Variants in DNAJA4 observed in about 807,000 individuals in gnomAD.
DNAJA4 encodes the protein DnaJ heat shock protein family (Hsp40) member A4.
Under a neutral mutation model 39.7 loss-of-function variants are expected in DNAJA4, and 32 were observed. The ratio of observed to expected loss-of-function variants is 0.81; its 90% CI spans 0.61 to 1.08. DNAJA4 has a LOEUF of 1.08. Among genes scored for constraint, DNAJA4 ranks in the 50% least tolerant of loss-of-function variants. The probability of loss-of-function intolerance (pLI) is 0.00; values close to 1 mark genes in which losing one functional copy is unlikely to be tolerated. For missense variants in DNAJA4, 439 were observed against 505.1 expected, an observed-to-expected ratio of 0.87 and a Z score of 1.25; for synonymous variants, 184 against 182.4, an observed-to-expected ratio of 1.01 and a Z score of -0.07.
intron 3 of DNAJA4, 72 bp from the exon 4 acceptor site, chr15:78,274,125 G>T: frequency 4.1e-6 from 6 of 1,468,358 alleles, no homozygotes; most frequent in Non-Finnish European, 5.6e-6. Flanking sequence ...CTACCCTTCT[G>T]CCATGGCGCC....
chr15:78,271,329 G>A (rs1009209820), intron 2 of DNAJA4, among the ~76,000 whole-genome samples: 2 of 152,144 alleles, frequency 1.3e-5, no homozygotes, highest in Admixed American at 6.5e-5. Flanking sequence ...GCCTGTGGTT[G>A]TCAGTGATCC....
chr15:78,271,622 A>T (rs1158109996), intron 2 of DNAJA4, among the ~76,000 whole-genome samples: 2 of 152,132 alleles, frequency 1.3e-5, no homozygotes, highest in Non-Finnish European at 2.9e-5. Flanking sequence ...CTTAGCCCTT[A>T]GCTCAATGGC....
rs748872790 is a variant in DNAJA4, at chr15:78,280,085, T to A, written c.918T>A (p.Asp306Glu). 4 of 1,614,112 alleles carry A rather than the reference T, an allele frequency of 2.5e-6. No homozygotes were observed. In the African/African-American group the frequency reaches 5.3e-5, roughly 22 times the overall value. Residue 306 changes from aspartate to glutamate, a missense_variant, in exon 6 of 7, where the codon GAT (aspartate) becomes GAA (glutamate). Physicochemically the swap from Asp to Glu is conservative, Grantham distance 45. Transcript: ENST00000394852. ...ACGGGGACCTGAGATGCGTGCGCGATGAAGGAATGCCCATCTACAAAGCAC... is the reference window on the plus strand; with the variant it reads ...ACGGGGACCTGAGATGCGTGCGCGAAGAAGGAATGCCCATCTACAAAGCAC... The part of the protein sequence containing the change: ...IKHGDLRCVR[D>E]EGMPIYKAPL...
At position 78,278,412 on chromosome 15, in the gene DNAJA4, T is replaced by G. The variant is rs1472630304; in HGVS notation, c.878-1633T>G. 9.7e-6 allele frequency: 4 copies of G among 412,210 alleles called. No individual in the cohort carries two copies. The Admixed American group carries it at 1.0e-4, about 10-fold the overall frequency. 25.5% of individuals were successfully genotyped at this position (412,210 alleles called of 1,614,324 possible). On this transcript the variant is annotated intron_variant, in intron 5 of 6. Transcript: ENST00000394852. ...TCGTTGTGGTGTGAACACCATAGAATGTACTCACACAGACCTAGATAGCAT... is the reference window on the plus strand; with the variant it reads ...TCGTTGTGGTGTGAACACCATAGAAGGTACTCACACAGACCTAGATAGCAT...
At chr15:78,270,746 G>A in intron 2 of DNAJA4, 69 bp downstream of exon 2, 1 of 1,527,292 alleles carries the variant, frequency 6.5e-7, no homozygotes, top group Non-Finnish European at 8.9e-7. Flanking sequence ...TTGGAATCAG[G>A]ATAGATCATG....
chr15:78,268,426 T>C (rs1024101713), intron 1 of DNAJA4, among the ~76,000 whole-genome samples: 2 of 152,236 alleles, frequency 1.3e-5, no homozygotes, highest in African/African-American at 4.8e-5. Flanking sequence ...TTAAGACTTT[T>C]CTAAATTGTA....
rs375935697 is a variant in DNAJA4 at position 78,269,010 on chromosome 15, G to A, written c.133-1487G>A. 2.4e-4 allele frequency among the ~76,000 whole-genome samples: 37 copies of A among 152,336 alleles called. 1 individual carries two copies. The East Asian group carries it at 4.8e-3, about 20-fold the overall frequency. On this transcript the variant is annotated intron_variant, in intron 1 of 6. Coordinates refer to ENST00000394852, the MANE Select transcript of DNAJA4 (RefSeq NM_001130182.2). ...AAGGCTGGAAAGAGATGAGTCGGGAGGCCGCACCAGGCTGAGGTGCCTCTG... is the reference window on the plus strand; with the variant it reads ...AAGGCTGGAAAGAGATGAGTCGGGAAGCCGCACCAGGCTGAGGTGCCTCTG...
In DNAJA4 at chr15:78,274,282, G is replaced by A. The variant is rs771724336; in HGVS notation, c.504G>A (p.Pro168=). ...GMQIHIQQIG[P]GMVQQIQTVC... ...AGATCCACATCCAGCAGATCGGGCC[G>A]GGCATGGTACAGCAGATCCAGACCG... The change falls in exon 4 of 7, where the codon CCG becomes CCA. Residue 168 remains proline, a synonymous_variant. Coordinates refer to ENST00000394852, the MANE Select transcript of DNAJA4 (RefSeq NM_001130182.2). 1.1e-5 allele frequency: 18 copies of A among 1,614,030 alleles called. No homozygotes were observed. The highest frequency in any genetic ancestry group is 6.7e-5 in the African/African-American group (5 of 74,906).
chr15:78,270,703 T>C, intron 2 of DNAJA4, 26 bp downstream of exon 2: 1 of 1,606,082 alleles, frequency 6.2e-7, no homozygotes, highest in African/African-American at 1.3e-5. Context: ...GAAACATAAA[T>C]AAGTTGTATG....
At chr15:78,280,018 C>T (rs2049607091) in intron 5 of DNAJA4, 27 bp from the exon 6 acceptor site, 1 of 1,574,394 alleles carries the variant, frequency 6.4e-7, no homozygotes. Context: ...TGCCTTCCTC[C>T]TTCCTAATTG....
chr15:78,277,483 C>T (rs1028333106), intron 5 of DNAJA4, among the ~76,000 whole-genome samples: 1 of 152,160 alleles, frequency 6.6e-6, no homozygotes, highest in Non-Finnish European at 1.5e-5. Flanking sequence ...TTCCATAGAC[C>T]TCCCAAGGCA....
At chr15:78,271,332 A>G (rs567707463) in intron 2 of DNAJA4, among the ~76,000 whole-genome samples, 1 of 152,268 alleles carries the variant, frequency 6.6e-6, no homozygotes, top group East Asian at 1.9e-4. Flanking sequence ...TGTGGTTGTC[A>G]GTGATCCTTT....
intron 4 of DNAJA4, chr15:78,274,686 G>C (rs760620542): frequency 8.1e-6 from 4 of 491,696 alleles, no homozygotes; most frequent in Non-Finnish European, 1.5e-5. Context: ...CTAACGCTCT[G>C]AAAGTCTTAC....
intron 1 of DNAJA4, chr15:78,266,359 TA>T (rs2049123467): frequency 2.0e-6 from 3 of 1,472,614 alleles, no homozygotes; most frequent in Middle Eastern, 1.7e-4. Context: ...CTTTTATTTT[TA>T]AAAAATTAGA....
chr15:78,273,105 T>G lies in DNAJA4; in HGVS notation c.324T>G (p.Val108=). The change falls in exon 3 of 7, where the codon GTT becomes GTG. Residue 108 remains valine (V), a synonymous_variant. Coordinates refer to ENST00000394852, the MANE Select transcript of DNAJA4 (RefSeq NM_001130182.2). ...RMARERRGKN[V]VHQLSVTLED... ...TTCTCCCTTGCTAAGGCAAGAATGT[T>G]GTACACCAGTTATCTGTAACTCTTG... The G allele has an allele frequency of 1.3e-6, 2 of 1,593,176 alleles. No individual in the cohort carries two copies. The highest frequency in any genetic ancestry group is 8.6e-7 in the Non-Finnish European group (1 of 1,162,836).
At chr15:78,267,482 TG>T (rs1404196679) in intron 1 of DNAJA4, among the ~76,000 whole-genome samples, 1 of 152,060 alleles carries the variant, frequency 6.6e-6, no homozygotes, top group Non-Finnish European at 1.5e-5. Context: ...TTTTGTTTTT[TG>T]TTTTTTTTGC....
chr15:78,272,106 G>T (rs2049315508), intron 2 of DNAJA4, among the ~76,000 whole-genome samples: 2 of 152,140 alleles, frequency 1.3e-5, no homozygotes, highest in South Asian at 4.1e-4. Flanking sequence ...GGAGGCCGAG[G>T]TGGGTGGATC....
At chr15:78,264,390 C>T (rs1399155305), upstream of DNAJA4, 5 of 1,419,882 alleles carry the variant, frequency 3.5e-6, no homozygotes, top group South Asian at 2.8e-5. Flanking sequence ...CCCGAGAAGC[C>T]CAGGTGAGCG....
rs766565720 is a variant in DNAJA4 at position 78,265,578 on chromosome 15, T to G, written c.132+683T>G. Reference sequence around the variant, plus strand: ...TTGATCATAAGTACCAATCATAGACTGAAAATGCTCTGCATTTTAGAGACA... The same window carrying G: ...TTGATCATAAGTACCAATCATAGACGGAAAATGCTCTGCATTTTAGAGACA... On this transcript the variant is annotated intron_variant, in intron 1 of 6. Transcript: ENST00000394852. 4.7e-5 allele frequency: 33 copies of G among 702,274 alleles called. 2 individuals are homozygous for G. In the South Asian group the frequency reaches 4.9e-4, roughly 10 times the overall value. The allele number at this position is 702,274 out of a possible 1,614,324, so 43.5% of individuals were successfully genotyped here. A position where few individuals can be genotyped will look rare whatever the true frequency, so the allele number is the denominator to read the frequency against.
Sources: allele counts gnomAD v4.1 joint callset (sites outside exome capture counted in the v4.1 genomes callset), GRCh38; gene constraint gnomAD v4.1.1; transcripts MANE v1.5; gene names NCBI Gene and HGNC (gene_info 2026-07-23, HGNC 2026-07-21).